The following EFHD1 variants were observed in gnomAD, a reference collection of about 807,000 sequenced individuals.
EFHD1 encodes the protein EF-hand domain-containing protein D1.
A neutral mutation model predicts 17.2 loss-of-function variants in EFHD1; 10 were observed. The observed-to-expected ratio is 0.58, with a 90% CI of 0.36 to 0.99. The LOEUF (loss-of-function observed/expected upper bound fraction) is 0.99. Among genes scored for constraint, EFHD1 ranks in the 50% least tolerant of loss-of-function variants. The pLI, the probability that EFHD1 is intolerant of heterozygous loss-of-function variation, is 0.01. For synonymous variants in EFHD1, 153 were observed against 142.0 expected (o/e 1.08, Z -0.55); for missense variants, 310 against 327.5 (o/e 0.95, Z 0.41).
chr2:232,655,235 G>C, intron 1 of EFHD1, among the ~76,000 whole-genome samples: 1 of 152,062 alleles, frequency 6.6e-6, no homozygotes, highest in African/African-American at 2.4e-5. Flanking sequence ...GCCCAGGCTG[G>C]ACTTGACCTG....
chr2:232,674,528 AGT>A (rs1695136870), intron 3 of EFHD1, among the ~76,000 whole-genome samples: 1 of 152,226 alleles, frequency 6.6e-6, no homozygotes, highest in South Asian at 2.1e-4. Flanking sequence ...TTTTACAATG[AGT>A]GTGCATTATT....
chr2:232,676,283 G>A (rs73107662), intron 3 of EFHD1, among the ~76,000 whole-genome samples: 6 of 152,266 alleles, frequency 3.9e-5, no homozygotes, highest in Admixed American at 1.3e-4. Flanking sequence ...CTTCAGGCAC[G>A]GGAAAGGCGT....
At chr2:232,681,038 C>T (rs960952336) in intron 3 of EFHD1, among the ~76,000 whole-genome samples, 1 of 151,918 alleles carries the variant, frequency 6.6e-6, no homozygotes, top group African/African-American at 2.4e-5. Context: ...CACCTGTAGT[C>T]CCAGCTACTC....
intron 1 of EFHD1, among the ~76,000 whole-genome samples, chr2:232,655,627 C>T (rs776796521): frequency 6.6e-6 from 1 of 152,186 alleles, no homozygotes; most frequent in Non-Finnish European, 1.5e-5. Flanking sequence ...GGTCTAGTTC[C>T]AGTTGGCCGT....
intron 1 of EFHD1, among the ~76,000 whole-genome samples, chr2:232,615,312 A>AGTGTGTGTGTGTGTGTGT (rs35239145): frequency 3.7e-5 from 5 of 136,582 alleles, no homozygotes; most frequent in East Asian, 2.1e-4. Flanking sequence ...TGTCAACTAT[A>AGTGTGTGTGTGTGTGTGT]GTGTGTGTGT....
At chr2:232,663,948 A>G (rs1694923330) in intron 2 of EFHD1, among the ~76,000 whole-genome samples, 1 of 151,748 alleles carries the variant, frequency 6.6e-6, no homozygotes, top group South Asian at 2.1e-4. Flanking sequence ...ACATACCACC[A>G]CACCTGGCTA....
In EFHD1 at chr2:232,658,527, G is replaced by A. The variant is rs147352654; in HGVS notation, c.303-4275G>A. On this transcript the variant is annotated intron_variant, in intron 1 of 3. Transcript: ENST00000264059. ...AGCATCCAATCTTGGGTATATACAC[G>A]AAAAAATGGAAATATATGTCCAAAC... Among the ~76,000 whole-genome samples the A allele has an allele frequency of 3.2e-3, 488 of 152,108 alleles. 5 individuals are homozygous for A. The highest frequency in any genetic ancestry group is 0.011 in the African/African-American group (471 of 41,496).
chr2:232,649,668 A>C (rs1246921554), intron 1 of EFHD1, among the ~76,000 whole-genome samples: 1 of 152,092 alleles, frequency 6.6e-6, no homozygotes, highest in African/African-American at 2.4e-5. Context: ...GTGCAAGGGG[A>C]TGATTTCCTT....
At chr2:232,638,199 A>C in intron 1 of EFHD1, 1 of 372,966 alleles carries the variant, frequency 2.7e-6, no homozygotes, top group Non-Finnish European at 5.4e-6. Context: ...AAGGTTAGAC[A>C]GGAAATTTTA....
At chr2:232,672,280 T>C (rs769393872) in intron 2 of EFHD1, 29 bp from the exon 3 acceptor site, 1 of 1,614,134 alleles carries the variant, frequency 6.2e-7, no homozygotes, top group Non-Finnish European at 8.5e-7. Flanking sequence ...TGAGACTGAC[T>C]CTGGTTCCCT....
chr2:232,634,940 G>T (rs1038974657), intron 1 of EFHD1, among the ~76,000 whole-genome samples: 43 of 152,204 alleles, frequency 2.8e-4, no homozygotes, highest in African/African-American at 4.8e-5. Context: ...TTTTAAAAGC[G>T]CATGGAATGT....
chr2:232,633,912 G>A lies in EFHD1; in HGVS notation c.208G>A (p.Ala70Thr), dbSNP rs1694259246. 1 of 1,584,418 alleles carries A rather than the reference G, an allele frequency of 6.3e-7. No individual in the cohort carries two copies. Residue 70 changes from alanine to threonine, a missense_variant, in exon 1 of 4, where the codon GCG becomes ACG. Physicochemically the swap from Ala to Thr is moderately conservative, Grantham distance 58. Coordinates refer to ENST00000264059, the MANE Select transcript of EFHD1 (RefSeq NM_025202.4). Reference protein sequence around the residue: ...SRRLDINEGAARPRRCRVFNP... With the variant: ...SRRLDINEGATRPRRCRVFNP... ...GCGGCTGGACATCAACGAGGGCGCT[G>A]CGCGGCCCCGGCGCTGCAGGGTCTT...
At chr2:232,615,714 T>C (rs1693916225) in intron 1 of EFHD1, among the ~76,000 whole-genome samples, 1 of 132,576 alleles carries the variant, frequency 7.5e-6, no homozygotes, top group Admixed American at 8.3e-5. Flanking sequence ...TGAGACGAGG[T>C]TTCGCTCTTG....
Position 232,681,965 on chromosome 2 carries a change from C to A in EFHD1, c.*246C>A. 2.1e-6 allele frequency: 1 copy of A among 470,414 alleles called. No homozygotes were observed. The allele number at this position is 470,414 out of a possible 1,614,324, so 29.1% of individuals were successfully genotyped here. A position where few individuals can be genotyped will look rare whatever the true frequency, so the allele number is the denominator to read the frequency against. Reference sequence around the variant, plus strand: ...CTCTGCTCCTCTGCCCTTCTTATAGCCAGAACTTGTATCTTCTCAGCAACC... The same window carrying A: ...CTCTGCTCCTCTGCCCTTCTTATAGACAGAACTTGTATCTTCTCAGCAACC... On this transcript the variant is annotated 3_prime_UTR_variant, in exon 4 of 4. Coordinates refer to ENST00000264059, the MANE Select transcript of EFHD1 (RefSeq NM_025202.4).
intron 3 of EFHD1, among the ~76,000 whole-genome samples, chr2:232,679,007 T>G (rs1458876080): frequency 6.6e-6 from 1 of 152,164 alleles, no homozygotes; most frequent in Non-Finnish European, 1.5e-5. Flanking sequence ...TTCATGTCCA[T>G]GTGTGAAGTG....
At chr2:232,640,756 G>A (rs992345733) in intron 1 of EFHD1, among the ~76,000 whole-genome samples, 1 of 152,020 alleles carries the variant, frequency 6.6e-6, no homozygotes. Flanking sequence ...TGAGAGTTGG[G>A]GACACTCTGA....
At chr2:232,606,339 G>T (rs556479052) in intron 1 of EFHD1, among the ~76,000 whole-genome samples, 1 of 152,194 alleles carries the variant, frequency 6.6e-6, no homozygotes, top group African/African-American at 2.4e-5. Context: ...GTCTGCGATC[G>T]GCTGGGCTTT....
intron 1 of EFHD1, among the ~76,000 whole-genome samples, chr2:232,660,133 C>T (rs1425131661): frequency 6.6e-6 from 1 of 152,064 alleles, no homozygotes; most frequent in Non-Finnish European, 1.5e-5. Context: ...GTGAGGAAGC[C>T]TGATTTACTT....
At chr2:232,677,972 T>G (rs937554994) in intron 3 of EFHD1, among the ~76,000 whole-genome samples, 2 of 152,100 alleles carry the variant, frequency 1.3e-5, no homozygotes, top group African/African-American at 4.8e-5. Context: ...TATCAATGAA[T>G]GTAGCTCTAA....
Sources: gnomAD v4.1 joint callset for allele counts (sites outside exome capture counted in the v4.1 genomes callset) on GRCh38, gnomAD v4.1.1 for gene constraint, MANE v1.5 for transcripts, NCBI Gene and HGNC (gene_info 2026-07-23, HGNC 2026-07-21) for gene names.